The following PHLDB2 variants were observed in gnomAD, a reference collection of about 807,000 sequenced individuals.
PHLDB2 encodes the protein pleckstrin homology-like domain family B member 2.
Under a neutral mutation model 123.6 loss-of-function variants are expected in PHLDB2, and 71 were observed. The ratio of observed to expected loss-of-function variants is 0.57; its 90% CI spans 0.47 to 0.70. The LOEUF is 0.70. Among genes scored for constraint, PHLDB2 ranks in the 30% least tolerant of loss-of-function variants. The probability of loss-of-function intolerance (pLI) is 0.00; values close to 1 mark genes in which losing one functional copy is unlikely to be tolerated. For synonymous variants in PHLDB2, 547 were observed against 541.6 expected (o/e 1.01, Z -0.14); for missense variants, 1,446 against 1,519.5 (o/e 0.95, Z 0.80).
intron 2 of PHLDB2, among the ~76,000 whole-genome samples, chr3:111,901,043 A>C (rs2067165030): frequency 6.6e-6 from 1 of 152,032 alleles, no homozygotes; most frequent in African/African-American, 2.4e-5. Flanking sequence ...TTCTCTACAT[A>C]AAACTTTGTG....
chr3:111,828,336 G>A (rs2062767058), intron 1 of PHLDB2, among the ~76,000 whole-genome samples: 1 of 152,156 alleles, frequency 6.6e-6, no homozygotes, highest in African/African-American at 2.4e-5. Context: ...TTAGATGCTG[G>A]TAATGCTTCC....
At chr3:111,862,008 A>G (rs1027212945) in intron 1 of PHLDB2, among the ~76,000 whole-genome samples, 1 of 151,714 alleles carries the variant, frequency 6.6e-6, no homozygotes. Context: ...CACCTGGCTA[A>G]TTTTTCTATT....
intron 13 of PHLDB2, among the ~76,000 whole-genome samples, chr3:111,963,141 T>C (rs6800933): frequency 0.16 from 24,734 of 152,068 alleles, 2,276 homozygotes; most frequent in African/African-American, 0.24. Flanking sequence ...AATCTGGCCA[T>C]GGTGCTCCTC....
At chr3:111,876,120 C>G (rs1169874891) in intron 1 of PHLDB2, among the ~76,000 whole-genome samples, 4 of 152,068 alleles carry the variant, frequency 2.6e-5, no homozygotes, top group Non-Finnish European at 5.9e-5. Context: ...CAGATACTGG[C>G]TTGTACTAGA....
intron 1 of PHLDB2, among the ~76,000 whole-genome samples, chr3:111,788,394 T>C (rs2060779582): frequency 6.6e-6 from 1 of 152,172 alleles, no homozygotes; most frequent in Non-Finnish European, 1.5e-5. Context: ...AGTCTGCTAT[T>C]TAACACCAAG....
chr3:111,969,047 A>T (rs1276728717), intron 15 of PHLDB2, among the ~76,000 whole-genome samples: 2 of 152,200 alleles, frequency 1.3e-5, no homozygotes, highest in South Asian at 4.1e-4. Context: ...TCAGTAACAT[A>T]AAAGACATCT....
At chr3:111,863,763 C>T (rs746486926) in intron 1 of PHLDB2, among the ~76,000 whole-genome samples, 2 of 152,156 alleles carry the variant, frequency 1.3e-5, no homozygotes, top group South Asian at 2.1e-4. Flanking sequence ...TTGTTAATTA[C>T]TTGGGAGAGT....
At chr3:111,757,897 C>T (rs1017967207) in intron 1 of PHLDB2, among the ~76,000 whole-genome samples, 17 of 152,168 alleles carry the variant, frequency 1.1e-4, no homozygotes, top group Non-Finnish European at 2.4e-4. Flanking sequence ...GTATCTGCAG[C>T]GGTGGCTGCA....
intron 2 of PHLDB2, among the ~76,000 whole-genome samples, chr3:111,854,142 C>A (rs190832366): frequency 6.6e-6 from 1 of 152,204 alleles, no homozygotes; most frequent in East Asian, 1.9e-4. Context: ...AGAATGAATG[C>A]AAGAAGGGGA....
intron 8 of PHLDB2, among the ~76,000 whole-genome samples, chr3:111,944,091 G>C (rs759849682): frequency 3.9e-4 from 59 of 152,290 alleles, no homozygotes; most frequent in Admixed American, 1.7e-3. Flanking sequence ...AACATGGAGT[G>C]AAAGAGGGCT....
chr3:111,827,982 G>A (rs1011515800), intron 1 of PHLDB2, among the ~76,000 whole-genome samples: 1 of 152,160 alleles, frequency 6.6e-6, no homozygotes, highest in Non-Finnish European at 1.5e-5. Context: ...TATAGCTTAC[G>A]TGCAGTGCAA....
intron 1 of PHLDB2, among the ~76,000 whole-genome samples, chr3:111,770,795 G>A (rs1321283499): frequency 3.3e-5 from 5 of 152,198 alleles, no homozygotes; most frequent in African/African-American, 1.2e-4. Flanking sequence ...TATGCCGTAA[G>A]ACTCTTCTTA....
At chr3:111,834,407 A>G (rs950970101) in intron 1 of PHLDB2, among the ~76,000 whole-genome samples, 2 of 147,006 alleles carry the variant, frequency 1.4e-5, no homozygotes, top group Non-Finnish European at 3.0e-5. Flanking sequence ...ATATATATAC[A>G]CACATATAGC....
chr3:111,827,363 ACT>A (rs2062704793), intron 1 of PHLDB2, among the ~76,000 whole-genome samples: 2 of 151,738 alleles, frequency 1.3e-5, no homozygotes, highest in Non-Finnish European at 2.9e-5. Flanking sequence ...GCCAAATCCC[ACT>A]CTGTTATGAC....
chr3:111,785,927 A>G (rs1027136008), intron 1 of PHLDB2, among the ~76,000 whole-genome samples: 12 of 152,180 alleles, frequency 7.9e-5, no homozygotes, highest in Non-Finnish European at 1.5e-4. Context: ...CATAATTAGG[A>G]AGGATTGGCA....
At chr3:111,947,099 A>C (rs1347845603) in intron 9 of PHLDB2, among the ~76,000 whole-genome samples, 3 of 152,144 alleles carry the variant, frequency 2.0e-5, no homozygotes, top group African/African-American at 7.2e-5. Context: ...GATAGGGAAA[A>C]CTGGGGAAGG....
chr3:111,862,217 A>C (rs2064867176), intron 1 of PHLDB2, among the ~76,000 whole-genome samples: 1 of 152,182 alleles, frequency 6.6e-6, no homozygotes. Context: ...GCAGGGAGGC[A>C]GTGCTATGGT....
intron 1 of PHLDB2, among the ~76,000 whole-genome samples, chr3:111,764,206 T>A (rs2060040780): frequency 6.6e-6 from 1 of 152,166 alleles, no homozygotes; most frequent in Non-Finnish European, 1.5e-5. Context: ...GAAGTAATGT[T>A]TGGGAAGTTC....
intron 13 of PHLDB2, 41 bp from the exon 14 acceptor site, chr3:111,966,572 T>G (rs2071785238): frequency 6.9e-7 from 1 of 1,446,502 alleles, no homozygotes; most frequent in East Asian, 2.3e-5. Context: ...GACTTCTCAG[T>G]CTAAACCAAT....
Sources: gnomAD v4.1 joint callset for allele counts (sites outside exome capture counted in the v4.1 genomes callset) on GRCh38, gnomAD v4.1.1 for gene constraint, MANE v1.5 for transcripts, NCBI Gene and HGNC (gene_info 2026-07-23, HGNC 2026-07-21) for gene names.